Variants in SORCS1 observed in about 807,000 individuals in gnomAD.
The protein encoded by SORCS1 is VPS10 domain-containing receptor SorCS1.
Under a neutral mutation model 146.1 loss-of-function variants are expected in SORCS1, and 60 were observed. That is an observed-to-expected ratio of 0.41 (90% CI 0.33 to 0.51). The LOEUF is 0.51. SORCS1 is among the 20% of genes least tolerant of loss of function. The probability of loss-of-function intolerance (pLI) is 0.21; values close to 1 mark genes in which losing one functional copy is unlikely to be tolerated. For missense variants in SORCS1, 1,352 were observed against 1,487.6 expected, an observed-to-expected ratio of 0.91 and a Z score of 1.50; for synonymous variants, 637 against 584.0, an observed-to-expected ratio of 1.09 and a Z score of -1.31.
chr10:107,060,737 C>T lies in SORCS1; in HGVS notation c.558+103232G>A, dbSNP rs528187869. 2.7e-4 allele frequency among the ~76,000 whole-genome samples: 41 copies of T among 152,254 alleles called. 1 individual carries two copies. In the South Asian group the frequency reaches 8.3e-3, roughly 31 times the overall value. Reference sequence around the variant, plus strand: ...TTTACTCTTAGACAATATCTTTTTACATGAAAAAATGTACTAAATGTGACT... The same window carrying T: ...TTTACTCTTAGACAATATCTTTTTATATGAAAAAATGTACTAAATGTGACT... On this transcript the variant is annotated intron_variant, in intron 1 of 25. Coordinates refer to ENST00000263054, the MANE Select transcript of SORCS1 (RefSeq NM_052918.5). The surrounding 1 kb of genome is among the most constrained non-coding windows in gnomAD (Gnocchi z 4.1).
At chr10:107,150,610 A>G (rs1968708572) in intron 1 of SORCS1, among the ~76,000 whole-genome samples, 1 of 152,212 alleles carries the variant, frequency 6.6e-6, no homozygotes, top group Non-Finnish European at 1.5e-5. Flanking sequence ...ACTCACTGAT[A>G]TGGTTTGGCT....
At chr10:107,168,354 C>A (rs921782189), upstream of SORCS1, among the ~76,000 whole-genome samples, 2 of 152,226 alleles carry the variant, frequency 1.3e-5, no homozygotes, top group Non-Finnish European at 2.9e-5. Context: ...CTTGCCAGAT[C>A]TTTCTAAGCG....
intron 1 of SORCS1, among the ~76,000 whole-genome samples, chr10:107,062,995 G>C (rs1961376028): frequency 6.6e-6 from 1 of 152,162 alleles, no homozygotes; most frequent in East Asian, 1.9e-4. Flanking sequence ...GGAAGTAGAT[G>C]ACCTTTCCTT....
intron 1 of SORCS1, among the ~76,000 whole-genome samples, chr10:106,967,801 T>C (rs1236100655): frequency 6.6e-6 from 1 of 152,106 alleles, no homozygotes; most frequent in African/African-American, 2.4e-5. Flanking sequence ...GCTCACCTGA[T>C]ACACAGCTGC....
chr10:106,926,826 TATACAC>T (rs1399976135), intron 2 of SORCS1, among the ~76,000 whole-genome samples: 26,060 of 139,922 alleles, frequency 0.19, 2,534 homozygotes, highest in Admixed American at 0.22. Flanking sequence ...AAGGAATATA[TATACAC>T]ACACACACAC....
At chr10:106,712,476 A>G (rs12244039) in intron 6 of SORCS1, among the ~76,000 whole-genome samples, 3,439 of 152,284 alleles carry the variant, frequency 0.023, 111 homozygotes, top group African/African-American at 0.07. Flanking sequence ...TGAAGACTGG[A>G]AGGATCAATT....
At chr10:106,646,808 T>C (rs1849471008) in intron 18 of SORCS1, among the ~76,000 whole-genome samples, 1 of 151,978 alleles carries the variant, frequency 6.6e-6, no homozygotes, top group African/African-American at 2.4e-5. Flanking sequence ...CCCATATGGA[T>C]ATTCAAAATT....
At chr10:107,022,019 T>G (rs543874484) in intron 1 of SORCS1, among the ~76,000 whole-genome samples, 70 of 152,244 alleles carry the variant, frequency 4.6e-4, no homozygotes, top group East Asian at 1.9e-3. Context: ...ATCTCCAATA[T>G]TGAGCAATTA....
intron 18 of SORCS1, among the ~76,000 whole-genome samples, chr10:106,638,183 AG>A (rs1848843338): frequency 6.6e-6 from 1 of 152,194 alleles, no homozygotes; most frequent in African/African-American, 2.4e-5. Context: ...CTAGAAAACT[AG>A]GGGGCTGCCA....
chr10:106,931,559 T>C (rs951629171), intron 2 of SORCS1, among the ~76,000 whole-genome samples: 1 of 152,184 alleles, frequency 6.6e-6, no homozygotes, highest in Non-Finnish European at 1.5e-5. Flanking sequence ...CAAATACAGA[T>C]GTTTGCTCGT....
chr10:106,717,165 A>T (rs1855434999), intron 6 of SORCS1, among the ~76,000 whole-genome samples: 2 of 152,242 alleles, frequency 1.3e-5, no homozygotes, highest in South Asian at 4.1e-4. Context: ...TCAGCAATTT[A>T]AGCAATCTGT....
At chr10:106,775,256 C>T (rs1860342319) in intron 4 of SORCS1, among the ~76,000 whole-genome samples, 1 of 152,210 alleles carries the variant, frequency 6.6e-6, no homozygotes, top group South Asian at 2.1e-4. Context: ...TCTGTCTGAG[C>T]TGGTCAGGCT....
chr10:107,076,390 T>C lies in SORCS1; in HGVS notation c.558+87579A>G, dbSNP rs566559661. 4.6e-5 allele frequency among the ~76,000 whole-genome samples: 7 copies of C among 152,264 alleles called. No homozygotes were observed. The East Asian group carries it at 1.4e-3, about 29-fold the overall frequency. ...TTTGGAAGCTTTTTTAATATTTTGG[T>C]TAACACCTATTAATATTTTACAGCA... On this transcript the variant is annotated intron_variant, in intron 1 of 25. Coordinates refer to ENST00000263054, the MANE Select transcript of SORCS1 (RefSeq NM_052918.5).
intron 1 of SORCS1, among the ~76,000 whole-genome samples, chr10:106,964,050 T>C (rs548308509): frequency 6.6e-6 from 1 of 152,278 alleles, no homozygotes; most frequent in South Asian, 2.1e-4. Flanking sequence ...AGTGTGATTC[T>C]GATAAAGACG....
intron 24 of SORCS1, among the ~76,000 whole-genome samples, chr10:106,594,144 C>G (rs901306288): frequency 2.0e-5 from 3 of 152,214 alleles, no homozygotes; most frequent in African/African-American, 4.8e-5. Flanking sequence ...GCTGGCCAAA[C>G]CAGTCTCAGC....
intron 2 of SORCS1, among the ~76,000 whole-genome samples, chr10:106,854,353 T>C (rs1162512351): frequency 6.6e-6 from 1 of 152,168 alleles, no homozygotes; most frequent in Non-Finnish European, 1.5e-5. Context: ...GTCTTTGAAG[T>C]GGGTTTCTTG....
intron 1 of SORCS1, among the ~76,000 whole-genome samples, chr10:107,042,679 G>A (rs373998483): frequency 2.0e-5 from 3 of 150,128 alleles, no homozygotes; most frequent in Non-Finnish European, 4.4e-5. Flanking sequence ...GTGCAATCTC[G>A]GCTCACTGCA....
At chr10:106,854,642 T>C (rs955543943) in intron 2 of SORCS1, among the ~76,000 whole-genome samples, 42 of 152,064 alleles carry the variant, frequency 2.8e-4, no homozygotes, top group Non-Finnish European at 1.2e-4. Flanking sequence ...CTCTTTTTAG[T>C]ACTTGCTGTA....
At chr10:106,652,606 T>C in intron 17 of SORCS1, 53 bp from the exon 18 acceptor site, 1 of 1,585,892 alleles carries the variant, frequency 6.3e-7, no homozygotes, top group Non-Finnish European at 8.6e-7. Flanking sequence ...TGTGAATCAT[T>C]CCCACTTTTT....
Sources: allele counts gnomAD v4.1 joint callset (sites outside exome capture counted in the v4.1 genomes callset), GRCh38; gene constraint gnomAD v4.1.1; non-coding constraint Gnocchi (gnomAD v3.1); transcripts MANE v1.5; gene names NCBI Gene and HGNC (gene_info 2026-07-23, HGNC 2026-07-21).